The following DOK5 variants were observed in gnomAD, a reference collection of about 807,000 sequenced individuals.
DOK5 encodes downstream of tyrosine kinase 5.
In DOK5, 27 loss-of-function variants were observed where a neutral mutation model predicts 43.3. The observed-to-expected ratio is 0.62, with a 90% CI of 0.46 to 0.86. DOK5 has a LOEUF of 0.86. DOK5 is among the 40% of genes least tolerant of loss of function. DOK5 has a pLI of 0.00. For synonymous variants in DOK5, 146 were observed against 140.1 expected, an observed-to-expected ratio of 1.04 and a Z score of -0.30; for missense variants, 373 against 392.9, an observed-to-expected ratio of 0.95 and a Z score of 0.43.
intron 6 of DOK5, among the ~76,000 whole-genome samples, chr20:54,635,277 G>A (rs1978770897): frequency 6.6e-6 from 1 of 152,308 alleles, no homozygotes. Flanking sequence ...CTGCAAAGCT[G>A]TCTCTTGTGG....
intron 7 of DOK5, among the ~76,000 whole-genome samples, chr20:54,645,540 C>G (rs1979371085): frequency 6.6e-6 from 1 of 152,252 alleles, no homozygotes; most frequent in South Asian, 2.1e-4. Flanking sequence ...GTCCCTCATC[C>G]TAGTTAACTC....
chr20:54,597,115 C>T (rs1374952241), intron 5 of DOK5, among the ~76,000 whole-genome samples: 1 of 152,162 alleles, frequency 6.6e-6, no homozygotes. Context: ...CTTTTAAAAA[C>T]TAACAAAATA....
chr20:54,644,964 T>A (rs116435672), intron 7 of DOK5, among the ~76,000 whole-genome samples: 3,668 of 145,006 alleles, frequency 0.025, 155 homozygotes, highest in African/African-American at 0.086. Flanking sequence ...TATTATGTTA[T>A]GCGCCTTTGT....
intron 2 of DOK5, among the ~76,000 whole-genome samples, chr20:54,563,275 C>T (rs1054409232): frequency 6.6e-6 from 1 of 152,150 alleles, no homozygotes; most frequent in Admixed American, 6.5e-5. Context: ...CTCTAGGAAA[C>T]GAATTCACCT....
intron 2 of DOK5, 148 bp downstream of exon 2, chr20:54,555,188 C>A: frequency 1.7e-6 from 1 of 604,474 alleles, no homozygotes; most frequent in Non-Finnish European, 3.0e-6. Context: ...CATCTGCTTG[C>A]TAATTGTTTC....
At chr20:54,481,089 C>CTAT (rs1568746462) in intron 1 of DOK5, among the ~76,000 whole-genome samples, 14 of 116,186 alleles carry the variant, frequency 1.2e-4, no homozygotes, top group African/African-American at 3.8e-4. Flanking sequence ...CTATCATCTA[C>CTAT]CATCTATCTA....
In DOK5 at chr20:54,643,563, C is replaced by A; in HGVS notation, c.841C>A (p.Leu281Ile). Residue 281 changes from leucine (L) to isoleucine (I), a missense_variant, in exon 7 of 8, where the codon CTC (leucine) becomes ATC (isoleucine). Leu to Ile is a conservative substitution (Grantham distance 5). Coordinates refer to ENST00000262593, the MANE Select transcript of DOK5 (RefSeq NM_018431.5). ...CACACGGCAGCACAGCACGGGACAGCTCTACCGCTTGCAAGGTAAGCGTGG... is the reference window on the plus strand; with the variant it reads ...CACACGGCAGCACAGCACGGGACAGATCTACCGCTTGCAAGGTAAGCGTGG... ...HITRQHSTGQ[L>I]YRLQDVSSPL... The A allele has an allele frequency of 6.2e-7, 1 of 1,612,940 alleles. No individual in the cohort carries two copies. The highest frequency in any genetic ancestry group is 8.5e-7 in the Non-Finnish European group (1 of 1,179,964).
At chr20:54,480,959 TATC>T (rs1568746153) in intron 1 of DOK5, among the ~76,000 whole-genome samples, 56 of 113,558 alleles carry the variant, frequency 4.9e-4, no homozygotes, top group South Asian at 2.2e-3. Flanking sequence ...ATCATCTATC[TATC>T]ATCTATCATC....
In DOK5 at chr20:54,588,550, G is replaced by A. The variant is rs1426025722; in HGVS notation, c.242G>A (p.Gly81Glu). The A allele has an allele frequency of 6.2e-7, 1 of 1,614,006 alleles. No homozygotes were observed. The highest frequency in any genetic ancestry group is 1.3e-5 in the African/African-American group (1 of 74,910). Reference protein sequence around the residue: ...LPKSTKKHAIGIYFNDDTSKT... With the variant: ...LPKSTKKHAIEIYFNDDTSKT... Reference sequence around the variant, plus strand: ...AAAAGCACCAAGAAACATGCCATAGGGATTTATTTCAATGACGATACCTCC... The same window carrying A: ...AAAAGCACCAAGAAACATGCCATAGAGATTTATTTCAATGACGATACCTCC... The change falls in exon 3 of 8, where the codon GGG becomes GAG. Residue 81 changes from glycine (G) to glutamate (E), a missense_variant. Transcript: ENST00000262593.
chr20:54,618,648 C>T (rs771438024), intron 6 of DOK5, among the ~76,000 whole-genome samples: 3 of 152,104 alleles, frequency 2.0e-5, no homozygotes, highest in Non-Finnish European at 4.4e-5. Flanking sequence ...TGGCCGGTCT[C>T]AGCATTTTCA....
chr20:54,508,547 G>T (rs969416299), intron 1 of DOK5, among the ~76,000 whole-genome samples: 1 of 151,418 alleles, frequency 6.6e-6, no homozygotes, highest in Non-Finnish European at 1.5e-5. Context: ...TGAGGAGCTT[G>T]CAGGCTTTGG....
At chr20:54,648,252 C>T (rs1979532467) in intron 7 of DOK5, among the ~76,000 whole-genome samples, 2 of 152,092 alleles carry the variant, frequency 1.3e-5, no homozygotes, top group Admixed American at 6.6e-5. Context: ...AAGCGCTGTG[C>T]TAGATGACAG....
intron 5 of DOK5, among the ~76,000 whole-genome samples, chr20:54,602,042 G>C (rs1281249406): frequency 6.6e-6 from 1 of 152,112 alleles, no homozygotes; most frequent in East Asian, 1.9e-4. Flanking sequence ...CCCTACTGCT[G>C]TTCTGGGTTG....
At chr20:54,580,122 TG>T (rs1985589585) in intron 2 of DOK5, among the ~76,000 whole-genome samples, 1 of 152,168 alleles carries the variant, frequency 6.6e-6, no homozygotes, top group Non-Finnish European at 1.5e-5. Context: ...TCCTTTTTTA[TG>T]GCTGCATAAT....
At chr20:54,476,633 G>T (rs906006353) in intron 1 of DOK5, among the ~76,000 whole-genome samples, 1 of 152,104 alleles carries the variant, frequency 6.6e-6, no homozygotes, top group African/African-American at 2.4e-5. Flanking sequence ...GATTTCTGTT[G>T]CTGGAATACA....
chr20:54,507,460 T>C (rs1207566193), intron 1 of DOK5, among the ~76,000 whole-genome samples: 1 of 152,218 alleles, frequency 6.6e-6, no homozygotes, highest in Non-Finnish European at 1.5e-5. Flanking sequence ...AATATAAAAA[T>C]TATTAATCAA....
Position 54,536,468 on chromosome 20 carries a change from A to T in DOK5, c.67-18465A>T, listed in dbSNP as rs867974837. 1.6e-4 allele frequency among the ~76,000 whole-genome samples: 24 copies of T among 152,328 alleles called. No individual in the cohort carries two copies. The Middle Eastern group carries it at 0.01, about 65-fold the overall frequency. ...GCCTTTTCTTACTCCTCTCGCTGAG[A>T]CTATAAAGCTGGGACATTGCATGTA... On this transcript the variant is annotated intron_variant, in intron 1 of 7. Transcript: ENST00000262593.
At chr20:54,583,048 A>G (rs1225409642) in intron 2 of DOK5, among the ~76,000 whole-genome samples, 2 of 151,882 alleles carry the variant, frequency 1.3e-5, no homozygotes, top group South Asian at 4.2e-4. Flanking sequence ...ACCTCACACA[A>G]ATTTCGGTAT....
rs116642465 is a variant in DOK5 at position 54,511,028 on chromosome 20, C to T, written c.66+35016C>T. Among the ~76,000 whole-genome samples the T allele has an allele frequency of 8.1e-3, 1,227 of 152,264 alleles. 9 individuals carry two copies. Among genetic ancestry groups the T allele is most frequent in the Middle Eastern group, 0.037 (11 of 294 alleles). ...AATAGCTACCATTTATTATTTTCTACGGGCTCAATGCTGAGCTAAACACTT... is the reference window on the plus strand; with the variant it reads ...AATAGCTACCATTTATTATTTTCTATGGGCTCAATGCTGAGCTAAACACTT... On this transcript the variant is annotated intron_variant, in intron 1 of 7. Transcript: ENST00000262593.
Sources: allele counts gnomAD v4.1 joint callset (sites outside exome capture counted in the v4.1 genomes callset), GRCh38; gene constraint gnomAD v4.1.1; transcripts MANE v1.5; gene names NCBI Gene and HGNC (gene_info 2026-07-23, HGNC 2026-07-21).